Variants in CACNA2D2 observed in about 807,000 individuals in gnomAD.
CACNA2D2 encodes the protein calcium voltage-gated channel auxiliary subunit alpha2delta 2.
In CACNA2D2, 48 loss-of-function variants were observed where a neutral mutation model predicts 166.4. That is an observed-to-expected ratio of 0.29 (90% CI 0.23 to 0.37). CACNA2D2 has a LOEUF of 0.37. CACNA2D2 is among the 10% of genes least tolerant of loss of function. The pLI, the probability that CACNA2D2 is intolerant of heterozygous loss-of-function variation, is 1.00. For missense variants in CACNA2D2, 1,122 were observed against 1,433.0 expected, an observed-to-expected ratio of 0.78 and a Z score of 3.50; for synonymous variants, 561 against 573.7, an observed-to-expected ratio of 0.98 and a Z score of 0.32.
Position 50,387,559 on chromosome 3 carries a change from G to A in CACNA2D2, c.510+9C>T, listed in dbSNP as rs1295272542. ...AGCAAGGAGGTGTGGCTCAGGAGGG[G>A]GTGCTCACCAGCTCAGCGTCAGCCT... On this transcript the variant is annotated intron_variant, in intron 5 of 37. Coordinates refer to ENST00000424201, the MANE Select transcript of CACNA2D2 (RefSeq NM_006030.4). 1 of 1,612,898 alleles carries A rather than the reference G, an allele frequency of 6.2e-7. No individual in the cohort carries two copies.
intron 2 of CACNA2D2, among the ~76,000 whole-genome samples, chr3:50,442,370 A>G (rs1708640256): frequency 6.6e-6 from 1 of 152,174 alleles, no homozygotes; most frequent in South Asian, 2.1e-4. Context: ...TTAATGCTCT[A>G]GCGTAGGCTG....
In CACNA2D2 at chr3:50,443,266, C is replaced by T. The variant is rs972489382; in HGVS notation, c.289-8837G>A. On this transcript the variant is annotated intron_variant, in intron 2 of 37. Transcript: ENST00000424201. ...GGCGTCTGGGCCCCCTTGCCACCCA[C>T]CCTGGCTCTGCTCTCTCCCGCTGCC... 4.6e-5 allele frequency among the ~76,000 whole-genome samples: 7 copies of T among 152,226 alleles called. No individual in the cohort carries two copies. The East Asian group carries it at 5.8e-4, about 13-fold the overall frequency.
intron 2 of CACNA2D2, among the ~76,000 whole-genome samples, chr3:50,453,212 C>G (rs1337785791): frequency 6.6e-6 from 1 of 152,188 alleles, no homozygotes; most frequent in Non-Finnish European, 1.5e-5. Flanking sequence ...ATGCTCACCC[C>G]TCAGCTCTCC....
chr3:50,368,256 G>C, intron 23 of CACNA2D2, 21 bp from the exon 24 acceptor site: 1 of 1,494,374 alleles, frequency 6.7e-7, no homozygotes, highest in Non-Finnish European at 9.3e-7. Flanking sequence ...GGAGGGGCAA[G>C]AAGAGTGGGC....
intron 3 of CACNA2D2, among the ~76,000 whole-genome samples, chr3:50,410,478 G>GA (rs1706948639): frequency 8.2e-6 from 1 of 121,664 alleles, no homozygotes; most frequent in Admixed American, 8.9e-5. Flanking sequence ...TGCTCCCTGG[G>GA]ATGGGGGGGG....
rs774959195 is a variant in CACNA2D2, at chr3:50,365,407, C to T, written c.3047G>A (p.Gly1016Asp). 1 of 1,613,636 alleles carries T rather than the reference C, an allele frequency of 6.2e-7. No individual in the cohort carries two copies. Among genetic ancestry groups the T allele is most frequent in the Admixed American group, 1.7e-5 (1 of 59,994 alleles). ...CVMKQTQYYF[G>D]SVNASYNAII... The stretch of plus-strand genomic sequence containing the variant: ...GGCGTTGTAGGAGGCGTTTACCGAG[C>T]CGAAGTAGTACTGGGTCTGTTTCAT... The change falls in exon 35 of 38, where the codon GGC becomes GAC. Residue 1016 changes from glycine to aspartate, a missense_variant. Physicochemically the swap from Gly to Asp is moderately conservative, Grantham distance 94. Coordinates refer to ENST00000424201, the MANE Select transcript of CACNA2D2 (RefSeq NM_006030.4). The surrounding 1 kb of genome is among the most constrained non-coding windows in gnomAD (Gnocchi z 4.5).
At chr3:50,409,469 C>T (rs1258312137) in intron 3 of CACNA2D2, among the ~76,000 whole-genome samples, 1 of 152,244 alleles carries the variant, frequency 6.6e-6, no homozygotes, top group African/African-American at 2.4e-5. Flanking sequence ...AATTCCTGCA[C>T]CTGCAGAGCC....
At chr3:50,452,617 A>T (rs537823936) in intron 2 of CACNA2D2, among the ~76,000 whole-genome samples, 14 of 152,352 alleles carry the variant, frequency 9.2e-5, no homozygotes, top group African/African-American at 3.4e-4. Flanking sequence ...GCTGGGAGCT[A>T]TCAATGCTTT....
chr3:50,478,315 T>C (rs1355510283), intron 1 of CACNA2D2, among the ~76,000 whole-genome samples: 3 of 152,148 alleles, frequency 2.0e-5, no homozygotes, highest in East Asian at 1.9e-4. Context: ...GTGGACAACA[T>C]AGCGGATGGC....
chr3:50,390,558 A>G (rs1341756537), intron 4 of CACNA2D2, among the ~76,000 whole-genome samples: 2 of 150,978 alleles, frequency 1.3e-5, no homozygotes, highest in Non-Finnish European at 3.0e-5. Context: ...TCTGGGGACC[A>G]CTCCCCTGAC....
chr3:50,374,263 A>AAGGGGAAAGGGAAGGGG (rs1223055648), intron 22 of CACNA2D2, among the ~76,000 whole-genome samples: 2 of 36,012 alleles, frequency 5.6e-5, no homozygotes, highest in African/African-American at 2.5e-4. Flanking sequence ...GGGGAAGGAA[A>AAGGGGAAAGGGAAGGGG]AGGGGAAAGG....
chr3:50,500,938 C>T (rs1698938130), intron 1 of CACNA2D2, among the ~76,000 whole-genome samples: 1 of 152,166 alleles, frequency 6.6e-6, no homozygotes, highest in African/African-American at 2.4e-5. Context: ...AATCCAGCAG[C>T]TTGTGAAGCT....
At chr3:50,436,866 C>T (rs538675495) in intron 2 of CACNA2D2, among the ~76,000 whole-genome samples, 1 of 152,320 alleles carries the variant, frequency 6.6e-6, no homozygotes, top group South Asian at 2.1e-4. Flanking sequence ...TCTCCCAGAT[C>T]GGTCTGGGCA....
chr3:50,413,704 G>A (rs559735683), intron 3 of CACNA2D2, among the ~76,000 whole-genome samples: 6 of 152,284 alleles, frequency 3.9e-5, no homozygotes, highest in East Asian at 3.9e-4. Context: ...TAAATTAGCC[G>A]GGTGTGGTGA....
intron 3 of CACNA2D2, among the ~76,000 whole-genome samples, chr3:50,422,181 T>G (rs553810159): frequency 2.0e-5 from 3 of 152,286 alleles, no homozygotes; most frequent in Admixed American, 2.0e-4. Flanking sequence ...TTCAGGCCTC[T>G]GACCCCTCCC....
intron 2 of CACNA2D2, among the ~76,000 whole-genome samples, chr3:50,447,800 A>G (rs1708920227): frequency 6.6e-6 from 1 of 152,098 alleles, no homozygotes; most frequent in Non-Finnish European, 1.5e-5. Context: ...TCCCTGCCCC[A>G]GTCACCACAG....
intron 4 of CACNA2D2, among the ~76,000 whole-genome samples, chr3:50,389,936 A>G (rs997758212): frequency 6.6e-6 from 1 of 150,946 alleles, no homozygotes; most frequent in African/African-American, 2.4e-5. Flanking sequence ...ATGTGAAAAT[A>G]TATCATAAAT....
intron 1 of CACNA2D2, 151 bp downstream of exon 1, chr3:50,503,067 G>C: frequency 8.6e-6 from 3 of 349,514 alleles, no homozygotes; most frequent in Non-Finnish European, 1.4e-5. Flanking sequence ...GCCAGCCTTC[G>C]GGGCTTGGGG....
rs6792502 is a variant in CACNA2D2, at chr3:50,493,770, C to T, written c.206+9448G>A. On this transcript the variant is annotated intron_variant, in intron 1 of 37. Transcript: ENST00000424201. ...CCATGACCCGGCACAGAGCTGGAGG[C>T]GGGGCACGGGTCTGGAGGAGGGACT... Among the ~76,000 whole-genome samples the T allele has an allele frequency of 1.4e-4, 21 of 152,188 alleles. No individual in the cohort carries two copies. The East Asian group carries it at 4.1e-3, about 29-fold the overall frequency.
Sources: gnomAD v4.1 joint callset for allele counts (sites outside exome capture counted in the v4.1 genomes callset) on GRCh38, gnomAD v4.1.1 for gene constraint, Gnocchi (gnomAD v3.1) non-coding constraint, MANE v1.5 for transcripts, NCBI Gene and HGNC (gene_info 2026-07-23, HGNC 2026-07-21) for gene names.